The following RPL28 variants were observed in gnomAD, a reference collection of about 807,000 sequenced individuals.
The protein encoded by RPL28 is ribosomal protein L28.
A neutral mutation model predicts 12.5 loss-of-function variants in RPL28; 4 were observed. The observed-to-expected ratio is 0.32, with a 90% confidence interval of 0.16 to 0.73. The LOEUF (loss-of-function observed/expected upper bound fraction) is 0.73. Ranked by LOEUF, RPL28 falls within the 30% of genes least tolerant of loss-of-function variation. The probability of loss-of-function intolerance (pLI) is 0.66; values close to 1 mark genes in which losing one functional copy is unlikely to be tolerated. For synonymous variants in RPL28, 91 were observed against 72.5 expected, an observed-to-expected ratio of 1.26 and a Z score of -1.30; for missense variants, 214 against 197.7, an observed-to-expected ratio of 1.08 and a Z score of -0.49.
In RPL28 at chr19:55,388,604, A is replaced by T; in HGVS notation, c.*272A>T. On this transcript the variant is annotated 3_prime_UTR_variant, in exon 5 of 5. Transcript: ENST00000344063. ...ACTTGTGATTGAGACCTACTGTCCC[A>T]TTGTGAGGTGGCCTGAAGAATCCCA... The T allele has an allele frequency of 1.6e-6, 2 of 1,226,606 alleles. No homozygotes were observed. The highest frequency in any genetic ancestry group is 2.0e-6 in the Non-Finnish European group (2 of 984,062). The allele number at this position is 1,226,606 out of a possible 1,614,324, so 76.0% of individuals were successfully genotyped here.
Position 55,389,676 on chromosome 19 carries a change from G to A in RPL28, c.*1344G>A. The A allele has an allele frequency of 1.0e-6, 1 of 985,556 alleles. No individual in the cohort carries two copies. Among genetic ancestry groups the A allele is most frequent in the Non-Finnish European group, 1.2e-6 (1 of 830,020 alleles). 61.1% of individuals were successfully genotyped at this position (985,556 alleles called of 1,614,324 possible). ...TGCTCCAGTCTTGCCCAGCTCGAAG[G>A]AGAGCAGATCTGACCACTTGCCAGC... is the stretch of plus-strand genomic sequence containing the variant. On this transcript the variant is annotated 3_prime_UTR_variant, in exon 5 of 5. Transcript: ENST00000344063.
At chr19:55,392,564 G>A (rs1268468525), downstream of RPL28, among the ~76,000 whole-genome samples, 2 of 145,050 alleles carry the variant, frequency 1.4e-5, no homozygotes, top group Non-Finnish European at 3.0e-5. Context: ...GCGGAGTCAC[G>A]CTTTGTTACC....
chr19:55,390,894 T>G lies in RPL28; in HGVS notation c.*2562T>G. 9.1e-6 allele frequency: 9 copies of G among 985,364 alleles called. No homozygotes were observed. The highest frequency in any genetic ancestry group is 1.1e-5 in the Non-Finnish European group (9 of 829,918). 61.0% of individuals were successfully genotyped at this position (985,364 alleles called of 1,614,324 possible). ...CTAGACCTCATCTTGGAGAGAGAGA[T>G]GTTGGATGGGGCCATCTATTCCAGC... On this transcript the variant is annotated 3_prime_UTR_variant, in exon 5 of 5. Transcript: ENST00000344063.
chr19:55,389,242 CAG>C lies in RPL28; in HGVS notation c.*913_*914del, dbSNP rs1426402056. ...TGCACCGCCTGTGGTCCCAGCTCCT[CAG>C]AGGTTGAGTAGAGGCTGAGGTGAGC... is the stretch of plus-strand genomic sequence containing the variant. On this transcript the variant is annotated 3_prime_UTR_variant, in exon 5 of 5. Transcript: ENST00000344063. 2 of 921,636 alleles carry C rather than the reference CAG, an allele frequency of 2.2e-6. No individual in the cohort carries two copies. The highest frequency in any genetic ancestry group is 5.0e-5 in the South Asian group (1 of 19,894). The allele number at this position is 921,636 out of a possible 1,614,324, so 57.1% of individuals were successfully genotyped here.
Position 55,388,772 on chromosome 19 carries a change from A to C in RPL28, c.*440A>C. ...TCCCAAGACCTGGGGGACGACAGAC[A>C]TCACGGGAGGAAGATGAGATGACTT... On this transcript the variant is annotated 3_prime_UTR_variant, in exon 5 of 5. Transcript: ENST00000344063. The C allele has an allele frequency of 1.0e-6, 1 of 1,000,128 alleles. No individual in the cohort carries two copies. The highest frequency in any genetic ancestry group is 1.2e-6 in the Non-Finnish European group (1 of 840,178). The allele number at this position is 1,000,128 out of a possible 1,614,324, so 62.0% of individuals were successfully genotyped here.
chr19:55,386,468 C>G, intron 2 of RPL28, 30 bp downstream of exon 2: 6 of 1,610,872 alleles, frequency 3.7e-6, no homozygotes, highest in Non-Finnish European at 5.1e-6. Context: ...GTGGCTCCTG[C>G]GGGAGGAGGG....
At position 55,389,716 on chromosome 19, in the gene RPL28, A is replaced by G. The variant is rs2089971936; in HGVS notation, c.*1384A>G. 2.0e-6 allele frequency: 2 copies of G among 985,590 alleles called. No homozygotes were observed. Among genetic ancestry groups the G allele is most frequent in the Non-Finnish European group, 2.4e-6 (2 of 830,034 alleles). 61.1% of individuals were successfully genotyped at this position (985,590 alleles called of 1,614,324 possible). A position where few individuals can be genotyped will look rare whatever the true frequency, so the allele number is the denominator to read the frequency against. On this transcript the variant is annotated 3_prime_UTR_variant, in exon 5 of 5. Coordinates refer to ENST00000344063, the MANE Select transcript of RPL28 (RefSeq NM_000991.5). Reference sequence around the variant, plus strand: ...CACTTGCCAGCCCCTGTCTGCTGTGAATTACCATTTCCTTTGTCCTTCCCT... The same window carrying G: ...CACTTGCCAGCCCCTGTCTGCTGTGGATTACCATTTCCTTTGTCCTTCCCT...
Position 55,390,856 on chromosome 19 carries a change from C to A in RPL28, c.*2524C>A, listed in dbSNP as rs983741583. ...AGTGTGCTGAGCAAACGTGGAGACACCATTTCCCTCCTCTAGACCTCATCT... is the reference window on the plus strand; with the variant it reads ...AGTGTGCTGAGCAAACGTGGAGACAACATTTCCCTCCTCTAGACCTCATCT... On this transcript the variant is annotated 3_prime_UTR_variant, in exon 5 of 5. Coordinates refer to ENST00000344063, the MANE Select transcript of RPL28 (RefSeq NM_000991.5). The A allele has an allele frequency of 5.1e-6, 5 of 985,264 alleles. No individual in the cohort carries two copies. Among genetic ancestry groups the A allele is most frequent in the Non-Finnish European group, 4.8e-6 (4 of 829,918 alleles). 61.0% of individuals were successfully genotyped at this position (985,264 alleles called of 1,614,324 possible).
chr19:55,402,367 G>A (rs964495471), intron 4 of RPL28, among the ~76,000 whole-genome samples: 1 of 152,236 alleles, frequency 6.6e-6, no homozygotes, highest in Admixed American at 6.5e-5. Flanking sequence ...AAGAGGGCAA[G>A]ACACCAGGAC....
At chr19:55,396,784 G>T (rs550657517), downstream of RPL28, among the ~76,000 whole-genome samples, 8 of 150,122 alleles carry the variant, frequency 5.3e-5, no homozygotes, top group South Asian at 2.1e-4. Context: ...GTTTCACCGT[G>T]TTAGCCAGGA....
chr19:55,387,242 C>T, intron 3 of RPL28: 1 of 1,531,582 alleles, frequency 6.5e-7, no homozygotes, highest in Non-Finnish European at 8.9e-7. Flanking sequence ...TGGAGGAGTC[C>T]AGCTTCACAT....
At chr19:55,399,069 C>T (rs759011348) in intron 4 of RPL28, among the ~76,000 whole-genome samples, 9 of 152,118 alleles carry the variant, frequency 5.9e-5, no homozygotes, top group Non-Finnish European at 1.3e-4. Flanking sequence ...CTCACTGCAG[C>T]GTCAACCTGC....
At chr19:55,387,216 AG>A in intron 3 of RPL28, 1 of 1,452,036 alleles carries the variant, frequency 6.9e-7, no homozygotes, top group Admixed American at 2.0e-5. Context: ...TGTTCGTGTG[AG>A]TCGGGGGTCT....
chr19:55,401,853 C>CA, intron 4 of RPL28: 2 of 1,350,030 alleles, frequency 1.5e-6, no homozygotes, highest in South Asian at 1.2e-5. Context: ...ACTGGCTGTT[C>CA]CTTCTGCTCC....
intron 4 of RPL28, chr19:55,400,581 G>C (rs981288173): frequency 6.6e-6 from 1 of 152,246 alleles, no homozygotes; most frequent in African/African-American, 2.4e-5. Flanking sequence ...AGGAGGGGCA[G>C]CTTCTTGGAG....
chr19:55,386,960 G>C (rs2089936554), intron 3 of RPL28: 4 of 1,452,576 alleles, frequency 2.8e-6, no homozygotes, highest in South Asian at 2.8e-5. Flanking sequence ...TAAGGCACGG[G>C]GTTGATGTTT....
intron 4 of RPL28, chr19:55,401,752 C>T: frequency 6.2e-7 from 1 of 1,613,220 alleles, no homozygotes; most frequent in Non-Finnish European, 8.5e-7. Flanking sequence ...GATCAGCAGG[C>T]ACTTGATGGT....
chr19:55,386,385 G>T lies in RPL28; in HGVS notation c.28G>T (p.Val10Leu), dbSNP rs758601996. MSAHLQWMV[V>L]RNCSSFLIKR... ...GTCTGCGCATCTGCAATGGATGGTC[G>T]TGCGGAACTGCTCCAGTTTCCTGAT... The change falls in exon 2 of 5, where the codon GTG (valine) becomes TTG (leucine). Residue 10 changes from valine (V) to leucine (L), a missense_variant. Coordinates refer to ENST00000344063, the MANE Select transcript of RPL28 (RefSeq NM_000991.5). 2.5e-6 allele frequency: 4 copies of T among 1,614,000 alleles called. No homozygotes were observed. The highest frequency in any genetic ancestry group is 3.4e-6 in the Non-Finnish European group (4 of 1,180,026).
Position 55,389,723 on chromosome 19 carries a change from A to G in RPL28, c.*1391A>G, listed in dbSNP as rs2089972041. The G allele has an allele frequency of 1.0e-6, 1 of 985,444 alleles. No homozygotes were observed. The highest frequency in any genetic ancestry group is 1.7e-5 in the African/African-American group (1 of 57,302). 61.0% of individuals were successfully genotyped at this position (985,444 alleles called of 1,614,324 possible). A position where few individuals can be genotyped will look rare whatever the true frequency, so the allele number is the denominator to read the frequency against. On this transcript the variant is annotated 3_prime_UTR_variant, in exon 5 of 5. Coordinates refer to ENST00000344063, the MANE Select transcript of RPL28 (RefSeq NM_000991.5). ...CAGCCCCTGTCTGCTGTGAATTACCATTTCCTTTGTCCTTCCCTTAGTTGG... is the reference window on the plus strand; with the variant it reads ...CAGCCCCTGTCTGCTGTGAATTACCGTTTCCTTTGTCCTTCCCTTAGTTGG...
Sources: allele counts gnomAD v4.1 joint callset (sites outside exome capture counted in the v4.1 genomes callset), GRCh38; gene constraint gnomAD v4.1.1; transcripts MANE v1.5; gene names NCBI Gene and HGNC (gene_info 2026-07-23, HGNC 2026-07-21).